Variants in PVT1 observed in about 807,000 individuals in gnomAD.
PVT1 encodes the protein CXCR4/PVT1 fusion.
chr8:127,800,967 G>T (rs1410142715), intron 2 of PVT1, among the ~76,000 whole-genome samples: 4 of 152,216 alleles, frequency 2.6e-5, no homozygotes, highest in African/African-American at 7.2e-5. Context: ...GTCAGGGCAG[G>T]CTCCATGGAG....
intron 4 of PVT1, among the ~76,000 whole-genome samples, chr8:128,008,669 G>A (rs966196935): frequency 1.3e-5 from 2 of 152,186 alleles, no homozygotes; most frequent in Non-Finnish European, 2.9e-5. Flanking sequence ...GCATCTCTCA[G>A]TAATGATTAT....
At chr8:128,080,451 G>T (rs560338754) in intron 5 of PVT1, among the ~76,000 whole-genome samples, 8 of 152,286 alleles carry the variant, frequency 5.3e-5, no homozygotes, top group African/African-American at 1.9e-4. Flanking sequence ...GTATCTAATT[G>T]TTGTTTTAAT....
intron 5 of PVT1, among the ~76,000 whole-genome samples, chr8:128,074,245 G>A (rs926274493): frequency 6.6e-5 from 10 of 152,150 alleles, no homozygotes; most frequent in African/African-American, 1.7e-4. Flanking sequence ...AGTGGCTCAC[G>A]CCTGTAATCC....
chr8:127,856,825 C>A (rs1372328598), intron 2 of PVT1, among the ~76,000 whole-genome samples: 1 of 152,224 alleles, frequency 6.6e-6, no homozygotes, highest in African/African-American at 2.4e-5. Flanking sequence ...GCAAGGCTAA[C>A]ATTTAGGCCT....
At chr8:127,828,789 G>A (rs1024388503) in intron 2 of PVT1, among the ~76,000 whole-genome samples, 4 of 152,022 alleles carry the variant, frequency 2.6e-5, no homozygotes, top group South Asian at 2.1e-4. Context: ...GTCTTTGCAC[G>A]GGATGGAAAG....
chr8:128,055,170 G>GACACAC (rs1247518090), intron 4 of PVT1, among the ~76,000 whole-genome samples: 1 of 151,286 alleles, frequency 6.6e-6, no homozygotes, highest in African/African-American at 2.4e-5. Context: ...CACATGCACA[G>GACACAC]ACACACACAC....
At chr8:127,827,482 C>T (rs888846055) in intron 2 of PVT1, among the ~76,000 whole-genome samples, 26 of 152,298 alleles carry the variant, frequency 1.7e-4, no homozygotes, top group African/African-American at 6.0e-4. Context: ...GACTGAGCAG[C>T]CCTGAGGCTG....
At chr8:127,869,173 C>G (rs1038802147) in intron 2 of PVT1, among the ~76,000 whole-genome samples, 3 of 151,964 alleles carry the variant, frequency 2.0e-5, no homozygotes, top group African/African-American at 7.3e-5. Flanking sequence ...CTCTGTTGCC[C>G]AGGCTGAAGC....
chr8:127,918,413 C>T (rs1481900692), intron 3 of PVT1, among the ~76,000 whole-genome samples: 3 of 152,174 alleles, frequency 2.0e-5, no homozygotes, highest in Admixed American at 1.3e-4. Context: ...CCTTTCTCTT[C>T]CCTGATCTGT....
chr8:128,020,813 C>T (rs1724414620), intron 4 of PVT1, among the ~76,000 whole-genome samples: 1 of 152,222 alleles, frequency 6.6e-6, no homozygotes, highest in Non-Finnish European at 1.5e-5. Flanking sequence ...TTTGGGAATG[C>T]AGGCCCCAGG....
chr8:127,897,710 A>G (rs1050604697), intron 3 of PVT1, among the ~76,000 whole-genome samples: 2 of 150,598 alleles, frequency 1.3e-5, no homozygotes, highest in Non-Finnish European at 3.0e-5. Flanking sequence ...AGAAGGAAGG[A>G]GGGGAAGAAG....
At chr8:127,950,822 C>T (rs1385900425) in intron 3 of PVT1, among the ~76,000 whole-genome samples, 1 of 152,226 alleles carries the variant, frequency 6.6e-6, no homozygotes, top group Non-Finnish European at 1.5e-5. Context: ...CTGCTCAGCA[C>T]TTTTACAGTT....
At position 127,905,091 on chromosome 8, in the gene PVT1, A is replaced by G. The variant is rs140401275; in HGVS notation, n.782+14093A>G. On this transcript the variant is annotated intron_variant and non_coding_transcript_variant, in intron 3 of 10. Coordinates refer to ENST00000651587, the Ensembl canonical transcript of PVT1. ...GCTCAAAGGTACCTGGCTTCCTTGG[A>G]GAAAAGTTTCTCTCTCCCCTGCCCT... Among the ~76,000 whole-genome samples, 51 of 152,308 alleles carry G rather than the reference A, an allele frequency of 3.3e-4. No homozygotes were observed. The East Asian group carries it at 9.2e-3, about 28-fold the overall frequency.
In PVT1 at chr8:127,814,385, G is replaced by A. The variant is rs370504536; in HGVS notation, n.372+18314G>A. Among the ~76,000 whole-genome samples, 4 of 152,220 alleles carry A rather than the reference G, an allele frequency of 2.6e-5. No individual in the cohort carries two copies. In the East Asian group the frequency reaches 7.7e-4, roughly 29 times the overall value. ...CGGCTTGAGTGAGCCAGCCTTTCAT[G>A]CATCCTTGTCTTTATTTCTTCCCCA... On this transcript the variant is annotated intron_variant and non_coding_transcript_variant, in intron 2 of 10. Transcript: ENST00000651587.
intron 2 of PVT1, chr8:127,854,706 C>T (rs75965696): frequency 0.027 from 4,182 of 153,566 alleles, 91 homozygotes; most frequent in Middle Eastern, 0.064. Flanking sequence ...CAGGAGTGAA[C>T]CAGGCAAGAT....
chr8:128,051,795 T>C (rs1022203113), intron 4 of PVT1, among the ~76,000 whole-genome samples: 2 of 152,012 alleles, frequency 1.3e-5, no homozygotes, highest in East Asian at 3.9e-4. Context: ...TCTTTTTTTA[T>C]GGTTTATCTC....
At chr8:127,809,599 G>A (rs1479763683) in intron 2 of PVT1, among the ~76,000 whole-genome samples, 2 of 152,164 alleles carry the variant, frequency 1.3e-5, no homozygotes, top group African/African-American at 4.8e-5. Flanking sequence ...TCTTTGGAAT[G>A]TTCTAGGTAA....
At chr8:127,970,293 T>TTTG (rs1816749575) in intron 3 of PVT1, among the ~76,000 whole-genome samples, 1 of 114,434 alleles carries the variant, frequency 8.7e-6, no homozygotes, top group African/African-American at 3.3e-5. Flanking sequence ...TGATTTGTTT[T>TTTG]TTTTTTTTTT....
intron 3 of PVT1, among the ~76,000 whole-genome samples, chr8:127,972,343 A>G (rs954289067): frequency 1.3e-5 from 2 of 152,142 alleles, no homozygotes; most frequent in Non-Finnish European, 2.9e-5. Context: ...GCCCCTTGCC[A>G]TTTATTTGCT....
Sources: allele counts gnomAD v4.1 joint callset (sites outside exome capture counted in the v4.1 genomes callset), GRCh38; gene constraint gnomAD v4.1.1; transcripts MANE v1.5; gene names NCBI Gene and HGNC (gene_info 2026-07-23, HGNC 2026-07-21).